Variants in ARHGAP15 observed in about 807,000 individuals in gnomAD.
ARHGAP15 encodes Rho GTPase activating protein 15, also known as rho GTPase-activating protein 15.
In ARHGAP15, 51 loss-of-function variants were observed where a neutral mutation model predicts 63.7. That is an observed-to-expected ratio of 0.80 (90% confidence interval 0.64 to 1.01). The LOEUF (loss-of-function observed/expected upper bound fraction) is 1.01. Among genes scored for constraint, ARHGAP15 ranks in the 50% least tolerant of loss-of-function variants. The pLI is 0.00. For synonymous variants in ARHGAP15, 191 were observed against 193.8 expected (o/e 0.99, Z 0.12); for missense variants, 560 against 564.6 (o/e 0.99, Z 0.08).
chr2:143,476,160 T>G (rs575133557), intron 8 of ARHGAP15, among the ~76,000 whole-genome samples: 12 of 152,294 alleles, frequency 7.9e-5, no homozygotes, highest in African/African-American at 2.9e-4. Flanking sequence ...GGATAAAAAC[T>G]ATTGCTGAAG....
intron 6 of ARHGAP15, among the ~76,000 whole-genome samples, chr2:143,364,057 T>C (rs1448821452): frequency 6.6e-6 from 1 of 152,192 alleles, no homozygotes; most frequent in Admixed American, 6.5e-5. Flanking sequence ...AAGACACCAA[T>C]TTCTAGAGTA....
At chr2:143,695,662 G>A (rs1346452436) in intron 12 of ARHGAP15, among the ~76,000 whole-genome samples, 5 of 152,068 alleles carry the variant, frequency 3.3e-5, no homozygotes, top group African/African-American at 9.7e-5. Flanking sequence ...GAGCCCAGGG[G>A]TTCAAGATCA....
chr2:143,154,345 G>C (rs757857602), intron 1 of ARHGAP15, among the ~76,000 whole-genome samples: 1 of 151,604 alleles, frequency 6.6e-6, no homozygotes, highest in Non-Finnish European at 1.5e-5. Flanking sequence ...TTTTCTGTTC[G>C]TCTTAGTGTC....
chr2:143,469,715 T>C (rs1179939523), intron 8 of ARHGAP15, among the ~76,000 whole-genome samples: 1 of 152,242 alleles, frequency 6.6e-6, no homozygotes, highest in African/African-American at 2.4e-5. Flanking sequence ...ATATGAGATA[T>C]CTCATTAACA....
chr2:143,484,038 G>A (rs1189683417), intron 8 of ARHGAP15, among the ~76,000 whole-genome samples: 1 of 151,938 alleles, frequency 6.6e-6, no homozygotes, highest in East Asian at 1.9e-4. Context: ...GACCATCCTG[G>A]CCAACCTGGT....
chr2:143,311,226 C>G (rs150341297), intron 6 of ARHGAP15, among the ~76,000 whole-genome samples: 1 of 151,582 alleles, frequency 6.6e-6, no homozygotes, highest in African/African-American at 2.4e-5. Flanking sequence ...AATAAGCACA[C>G]GGTGTATCAA....
chr2:143,221,896 C>G (rs951859798), intron 4 of ARHGAP15, among the ~76,000 whole-genome samples: 1 of 152,210 alleles, frequency 6.6e-6, no homozygotes, highest in African/African-American at 2.4e-5. Flanking sequence ...GGGCCCATAG[C>G]TACTAGGCCT....
chr2:143,180,229 A>G (rs961175179), intron 2 of ARHGAP15, among the ~76,000 whole-genome samples: 1 of 152,210 alleles, frequency 6.6e-6, no homozygotes, highest in Non-Finnish European at 1.5e-5. Context: ...CTGTTTTATA[A>G]ACTGAGTTTA....
chr2:143,556,940 TAA>T (rs1410076851), intron 11 of ARHGAP15, among the ~76,000 whole-genome samples: 2 of 151,942 alleles, frequency 1.3e-5, no homozygotes, highest in Non-Finnish European at 2.9e-5. Context: ...AGTTGTAAAT[TAA>T]AACAATGAGA....
At chr2:143,736,192 G>T (rs1490568808) in intron 13 of ARHGAP15, among the ~76,000 whole-genome samples, 1 of 152,174 alleles carries the variant, frequency 6.6e-6, no homozygotes, top group Non-Finnish European at 1.5e-5. Flanking sequence ...GAGGTCAGGA[G>T]TTCGAGACCA....
At chr2:143,451,496 T>G (rs1479348937) in intron 8 of ARHGAP15, among the ~76,000 whole-genome samples, 2 of 151,844 alleles carry the variant, frequency 1.3e-5, no homozygotes, top group Non-Finnish European at 2.9e-5. Flanking sequence ...TGTCATCAGA[T>G]CCCAAATCCC....
intron 13 of ARHGAP15, among the ~76,000 whole-genome samples, chr2:143,754,108 A>G (rs1253477198): frequency 2.0e-5 from 3 of 152,120 alleles, no homozygotes; most frequent in African/African-American, 7.2e-5. Flanking sequence ...GTCAGTTAAG[A>G]CTGTCTTCCA....
chr2:143,718,571 G>C (rs988188014), intron 13 of ARHGAP15, among the ~76,000 whole-genome samples: 1 of 152,136 alleles, frequency 6.6e-6, no homozygotes, highest in African/African-American at 2.4e-5. Context: ...TGGTATAGAG[G>C]TTCCTGTATC....
At chr2:143,557,464 G>A (rs1016282205) in intron 11 of ARHGAP15, among the ~76,000 whole-genome samples, 2 of 152,166 alleles carry the variant, frequency 1.3e-5, no homozygotes, top group East Asian at 1.9e-4. Flanking sequence ...GCAGTAGGAC[G>A]AGCTTGGGGG....
Position 143,173,824 on chromosome 2 carries a change from A to T in ARHGAP15, c.165+18169A>T, listed in dbSNP as rs554203771. 4.3e-4 allele frequency among the ~76,000 whole-genome samples: 66 copies of T among 152,278 alleles called. 1 individual carries two copies. Among genetic ancestry groups the T allele is most frequent in the Middle Eastern group, 6.8e-3 (2 of 294 alleles). On this transcript the variant is annotated intron_variant, in intron 2 of 13. Transcript: ENST00000295095. The stretch of plus-strand genomic sequence containing the variant: ...AAGAGTACAATAGTACCTCAGCAGC[A>T]AATCACATGAAAATGTCAACCGTAT...
At chr2:143,660,427 A>T (rs1681698435) in intron 12 of ARHGAP15, among the ~76,000 whole-genome samples, 1 of 152,226 alleles carries the variant, frequency 6.6e-6, no homozygotes, top group Admixed American at 6.5e-5. Flanking sequence ...AACAAAGGGA[A>T]ATGTACCCTA....
intron 13 of ARHGAP15, among the ~76,000 whole-genome samples, chr2:143,764,482 T>G (rs754249137): frequency 6.6e-6 from 1 of 152,136 alleles, no homozygotes; most frequent in South Asian, 2.1e-4. Flanking sequence ...CAAGACCAGG[T>G]CTTTTGCTGA....
chr2:143,614,975 C>A (rs1401121581), intron 11 of ARHGAP15, among the ~76,000 whole-genome samples: 5 of 152,196 alleles, frequency 3.3e-5, no homozygotes, highest in African/African-American at 1.2e-4. Context: ...AGTTGTTGCA[C>A]AGGGACCTAG....
chr2:143,348,095 A>T (rs1167986649), intron 6 of ARHGAP15, among the ~76,000 whole-genome samples: 2 of 152,070 alleles, frequency 1.3e-5, no homozygotes, highest in Non-Finnish European at 2.9e-5. Flanking sequence ...TTTTGCTGAC[A>T]TGATCATATT....
Sources: gnomAD v4.1 joint callset for allele counts (sites outside exome capture counted in the v4.1 genomes callset) on GRCh38, gnomAD v4.1.1 for gene constraint, MANE v1.5 for transcripts, NCBI Gene and HGNC (gene_info 2026-07-23, HGNC 2026-07-21) for gene names.